CMSS1: variants seen among roughly 807,000 people sequenced by gnomAD.
CMSS1 encodes the protein protein CMSS1.
In CMSS1, 33 loss-of-function variants were observed where a neutral mutation model predicts 43.5. The ratio of observed to expected loss-of-function variants is 0.76; its 90% CI spans 0.57 to 1.01. CMSS1 has a LOEUF of 1.01. Ranked by LOEUF, CMSS1 falls within the 50% of genes least tolerant of loss-of-function variation. CMSS1 has a pLI of 0.00. For missense variants in CMSS1, 313 were observed against 326.4 expected (o/e 0.96, Z 0.32); for synonymous variants, 115 against 117.2 (o/e 0.98, Z 0.12).
At chr3:100,147,580 T>C (rs1027072972) in intron 2 of CMSS1, among the ~76,000 whole-genome samples, 1 of 152,150 alleles carries the variant, frequency 6.6e-6, no homozygotes, top group African/African-American at 2.4e-5. Flanking sequence ...GTTCCTAATG[T>C]TTTTTAACTA....
intron 1 of CMSS1, among the ~76,000 whole-genome samples, chr3:99,903,944 C>A (rs1706527192): frequency 6.6e-6 from 1 of 152,168 alleles, no homozygotes; most frequent in Non-Finnish European, 1.5e-5. Flanking sequence ...AAAAATATGG[C>A]TTCAAGTAAT....
intron 1 of CMSS1, chr3:100,023,358 A>G (rs1442937675): frequency 6.6e-6 from 1 of 152,650 alleles, no homozygotes; most frequent in African/African-American, 2.4e-5. Flanking sequence ...AAAGTCAAAC[A>G]TGGATGGCAG....
intron 1 of CMSS1, among the ~76,000 whole-genome samples, chr3:100,128,148 C>T (rs766060254): frequency 2.5e-4 from 38 of 152,168 alleles, no homozygotes; most frequent in Non-Finnish European, 5.0e-4. Flanking sequence ...ACAATGCCAG[C>T]CTTTCTCACA....
intron 1 of CMSS1, among the ~76,000 whole-genome samples, chr3:99,878,356 GA>G (rs1208264992): frequency 1.3e-5 from 2 of 152,180 alleles, no homozygotes; most frequent in Admixed American, 1.3e-4. Flanking sequence ...ATTCTTTTCA[GA>G]TAAAGACATT....
chr3:99,832,860 T>G lies in CMSS1; in HGVS notation c.64+14817T>G, dbSNP rs1489552880. ...GTCTCAAAAAAAAAAAAAAAAAAGT[T>G]GTTTTTTTTTTTTTTCTTGTATGAC... is the stretch of plus-strand genomic sequence containing the variant. On this transcript the variant is annotated intron_variant, in intron 1 of 9. Coordinates refer to ENST00000421999, the MANE Select transcript of CMSS1 (RefSeq NM_032359.4). Among the ~76,000 whole-genome samples the G allele has an allele frequency of 4.8e-4, 67 of 139,260 alleles. 1 individual carries two copies. The highest frequency in any genetic ancestry group is 2.8e-3 in the Admixed American group (40 of 14,232). The allele number at this position is 139,260 out of a possible 152,430, so 91.4% of individuals were successfully genotyped here. A position where few individuals can be genotyped will look rare whatever the true frequency, so the allele number is the denominator to read the frequency against.
At chr3:99,878,425 A>T (rs1404779842) in intron 1 of CMSS1, among the ~76,000 whole-genome samples, 1 of 152,258 alleles carries the variant, frequency 6.6e-6, no homozygotes, top group Non-Finnish European at 1.5e-5. Context: ...TGATACAGGG[A>T]TTTAAAGCAA....
chr3:100,132,893 A>G (rs2066721748), intron 1 of CMSS1, among the ~76,000 whole-genome samples: 2 of 151,874 alleles, frequency 1.3e-5, no homozygotes, highest in Non-Finnish European at 2.9e-5. Flanking sequence ...GTAAAATGCT[A>G]TATTATTTTT....
At chr3:100,110,470 A>T (rs1395756391) in intron 1 of CMSS1, among the ~76,000 whole-genome samples, 1 of 152,186 alleles carries the variant, frequency 6.6e-6, no homozygotes, top group Admixed American at 6.6e-5. Flanking sequence ...TCCATCATGA[A>T]GATACCTGTC....
intron 1 of CMSS1, among the ~76,000 whole-genome samples, chr3:100,090,115 C>A (rs998214776): frequency 1.3e-5 from 2 of 152,204 alleles, no homozygotes; most frequent in African/African-American, 4.8e-5. Flanking sequence ...CTTCTGAGCT[C>A]CTTCCATGGA....
At chr3:100,131,000 T>A (rs1242197842) in intron 1 of CMSS1, among the ~76,000 whole-genome samples, 3 of 152,200 alleles carry the variant, frequency 2.0e-5, no homozygotes, top group Admixed American at 2.0e-4. Context: ...AGTTGAGAGT[T>A]AACATCAGTA....
chr3:100,070,828 A>G (rs928948550), intron 1 of CMSS1, among the ~76,000 whole-genome samples: 2 of 152,132 alleles, frequency 1.3e-5, no homozygotes, highest in African/African-American at 4.8e-5. Flanking sequence ...ACCGGGTCTC[A>G]CCATGTTGGC....
chr3:99,862,735 T>C (rs556559384), intron 1 of CMSS1, among the ~76,000 whole-genome samples: 1 of 152,346 alleles, frequency 6.6e-6, no homozygotes, highest in African/African-American at 2.4e-5. Context: ...GTTAGATTCT[T>C]TGTGTTCGTT....
chr3:100,040,113 A>G (rs961980350), intron 1 of CMSS1: 3 of 152,132 alleles, frequency 2.0e-5, no homozygotes, highest in Non-Finnish European at 2.9e-5. Flanking sequence ...ACATGAATCA[A>G]TCCAAGCTGT....
intron 1 of CMSS1, among the ~76,000 whole-genome samples, chr3:99,915,218 A>G (rs1236229395): frequency 6.6e-6 from 1 of 152,200 alleles, no homozygotes; most frequent in African/African-American, 2.4e-5. Context: ...TCCAGAAGCT[A>G]ATTCATGATG....
At chr3:99,921,595 T>C (rs183498283) in intron 1 of CMSS1, among the ~76,000 whole-genome samples, 23 of 152,334 alleles carry the variant, frequency 1.5e-4, no homozygotes, top group Admixed American at 2.6e-4. Flanking sequence ...TAGAAATAGA[T>C]GAATATTCTC....
At chr3:100,028,845 C>A (rs1177188219) in intron 1 of CMSS1, among the ~76,000 whole-genome samples, 1 of 152,120 alleles carries the variant, frequency 6.6e-6, no homozygotes, top group Non-Finnish European at 1.5e-5. Flanking sequence ...TTACTGTGAA[C>A]TATTCAATGG....
intron 1 of CMSS1, among the ~76,000 whole-genome samples, chr3:100,115,762 A>G (rs1271740110): frequency 6.6e-6 from 1 of 152,196 alleles, no homozygotes; most frequent in Admixed American, 6.5e-5. Flanking sequence ...ACCACAGTAT[A>G]ACAATTAAAT....
In CMSS1 at chr3:100,025,213, C is replaced by T. The variant is rs143988440; in HGVS notation, c.65-121760C>T. ...TCCTATGCCTATAGTAGGGCTCGTC[C>T]TTCTTGCCACTACACAGCCCCATAC... is the stretch of plus-strand genomic sequence containing the variant. On this transcript the variant is annotated intron_variant, in intron 1 of 9. Coordinates refer to ENST00000421999, the MANE Select transcript of CMSS1 (RefSeq NM_032359.4). Among the ~76,000 whole-genome samples, 34 of 152,272 alleles carry T rather than the reference C, an allele frequency of 2.2e-4. No homozygotes were observed. The East Asian group carries it at 6.2e-3, about 28-fold the overall frequency.
At chr3:100,037,259 T>C (rs1417808499) in intron 1 of CMSS1, among the ~76,000 whole-genome samples, 3 of 152,124 alleles carry the variant, frequency 2.0e-5, no homozygotes, top group Non-Finnish European at 4.4e-5. Flanking sequence ...GGACATGATG[T>C]CTGCAACTTA....
Sources: gnomAD v4.1 joint callset for allele counts (sites outside exome capture counted in the v4.1 genomes callset) on GRCh38, gnomAD v4.1.1 for gene constraint, MANE v1.5 for transcripts, NCBI Gene and HGNC (gene_info 2026-07-23, HGNC 2026-07-21) for gene names.